Variants in OR3A2 observed in about 807,000 individuals in gnomAD.
The protein encoded by OR3A2 is olfactory receptor family 3 subfamily A member 2, also known as olfactory receptor 3A2.
For synonymous variants in OR3A2, 126 were observed against 159.3 expected, an observed-to-expected ratio of 0.79 and a Z score of 1.57; for missense variants, 318 against 392.8, an observed-to-expected ratio of 0.81 and a Z score of 1.61.
intron 2 of OR3A2, among the ~76,000 whole-genome samples, chr17:3,363,271 T>C (rs1035116772): frequency 6.6e-6 from 1 of 151,876 alleles, no homozygotes; most frequent in African/African-American, 2.4e-5. Flanking sequence ...GTATACACTT[T>C]TAGAAACAGC....
intron 3 of OR3A2, among the ~76,000 whole-genome samples, chr17:3,296,243 CCAAA>C (rs1316314481): frequency 6.6e-6 from 1 of 151,802 alleles, no homozygotes; most frequent in African/African-American, 2.4e-5. Context: ...AACGGTTGGA[CCAAA>C]CAGAGAATGA....
At chr17:3,279,846 T>G (rs964839080) in intron 1 of OR3A2, among the ~76,000 whole-genome samples, 1 of 151,964 alleles carries the variant, frequency 6.6e-6, no homozygotes, top group Non-Finnish European at 1.5e-5. Context: ...CTAGACATAA[T>G]AAAGGTCAAG....
intron 3 of OR3A2, among the ~76,000 whole-genome samples, chr17:3,290,375 A>G (rs1043467553): frequency 1.3e-5 from 2 of 151,832 alleles, no homozygotes; most frequent in Non-Finnish European, 2.9e-5. Context: ...AACCCCCTCC[A>G]CTTGCAATTC....
chr17:3,285,725 C>G (rs1202487611), upstream of OR3A2, among the ~76,000 whole-genome samples: 13 of 152,090 alleles, frequency 8.5e-5, no homozygotes, highest in Non-Finnish European at 1.5e-4. Flanking sequence ...GAGGTGGAGG[C>G]TGCAGTGAGC....
At chr17:3,292,463 G>A (rs2048884606) in intron 3 of OR3A2, 1 of 1,613,436 alleles carries the variant, frequency 6.2e-7, no homozygotes, top group Non-Finnish European at 8.5e-7. Flanking sequence ...CCCTGACCGT[G>A]ACCAGGTAGG....
intron 2 of OR3A2, among the ~76,000 whole-genome samples, chr17:3,373,796 T>C (rs1321567597): frequency 6.6e-6 from 1 of 152,232 alleles, no homozygotes; most frequent in Admixed American, 6.5e-5. Flanking sequence ...TTACATTCAA[T>C]GTTAATACTG....
At chr17:3,321,448 G>A (rs1160509982) in intron 3 of OR3A2, among the ~76,000 whole-genome samples, 1 of 151,688 alleles carries the variant, frequency 6.6e-6, no homozygotes, top group South Asian at 2.1e-4. Context: ...GGGCATCCCT[G>A]TCTTGTGCCA....
In OR3A2 at chr17:3,385,328, G is replaced by A. The variant is rs554074815; in HGVS notation, c.-275+797C>T. 2.4e-4 allele frequency among the ~76,000 whole-genome samples: 37 copies of A among 152,312 alleles called. No homozygotes were observed. The South Asian group carries it at 7.5e-3, about 31-fold the overall frequency. ...ACTGGTACTCAAATGGCCTGGGTCC[G>A]AATTCTGCTCCTAATTGTTTAAACA... On this transcript the variant is annotated intron_variant, in intron 1 of 4. Transcript: ENST00000573491.
chr17:3,295,891 T>C (rs1485069153), intron 3 of OR3A2, among the ~76,000 whole-genome samples: 1 of 152,120 alleles, frequency 6.6e-6, no homozygotes, highest in Non-Finnish European at 1.5e-5. Context: ...CCTAAGTATA[T>C]AGCATTGATA....
At chr17:3,360,735 T>C (rs879186061) in intron 2 of OR3A2, among the ~76,000 whole-genome samples, 1 of 151,574 alleles carries the variant, frequency 6.6e-6, no homozygotes, top group East Asian at 1.9e-4. Flanking sequence ...TGTAGATGTG[T>C]GGTATTGTTT....
At chr17:3,372,282 C>T (rs1171452089) in intron 2 of OR3A2, among the ~76,000 whole-genome samples, 3 of 148,414 alleles carry the variant, frequency 2.0e-5, no homozygotes, top group African/African-American at 7.5e-5. Context: ...CGGGAAGAGG[C>T]ACTCCTCACT....
intron 3 of OR3A2, among the ~76,000 whole-genome samples, chr17:3,298,642 G>A (rs1480750855): frequency 1.3e-5 from 2 of 152,170 alleles, no homozygotes; most frequent in African/African-American, 4.8e-5. Flanking sequence ...CATGAAATAA[G>A]AGATTTGACC....
chr17:3,324,641 CTGGGTATCAGCAG>C (rs2049155278), intron 3 of OR3A2, among the ~76,000 whole-genome samples: 2 of 152,084 alleles, frequency 1.3e-5, no homozygotes, highest in South Asian at 4.1e-4. Flanking sequence ...CCCTGTTTGC[CTGGGTATCAGCAG>C]TGGTGGCTGC....
exon 2 of OR3A2, chr17:3,278,855 C>A: frequency 6.6e-7 from 1 of 1,520,208 alleles, no homozygotes; most frequent in Non-Finnish European, 8.8e-7. Context: ...CTTCTGTTTG[C>A]ACTAGGCCCA....
chr17:3,349,855 A>C (rs1391862239), intron 2 of OR3A2, among the ~76,000 whole-genome samples: 2 of 152,292 alleles, frequency 1.3e-5, no homozygotes, highest in East Asian at 3.9e-4. Context: ...GTGCAATCAA[A>C]CTAGAACTCA....
intron 1 of OR3A2, among the ~76,000 whole-genome samples, chr17:3,385,747 T>A (rs1018110281): frequency 6.6e-6 from 1 of 152,114 alleles, no homozygotes; most frequent in Admixed American, 6.6e-5. Context: ...TTCATAAAAT[T>A]AAGATTATTG....
intron 2 of OR3A2, among the ~76,000 whole-genome samples, chr17:3,362,170 T>C (rs1311539220): frequency 1.3e-5 from 2 of 151,782 alleles, no homozygotes; most frequent in Non-Finnish European, 2.9e-5. Context: ...GAGGAATTTA[T>C]CCATTTCTTC....
chr17:3,312,159 CAA>C (rs1451075204), intron 3 of OR3A2, among the ~76,000 whole-genome samples: 2 of 151,946 alleles, frequency 1.3e-5, no homozygotes, highest in Non-Finnish European at 2.9e-5. Context: ...GAATTGAAGA[CAA>C]GAGAAAAATA....
intron 2 of OR3A2, among the ~76,000 whole-genome samples, chr17:3,348,856 A>T (rs2049393732): frequency 1.3e-5 from 2 of 152,190 alleles, no homozygotes; most frequent in African/African-American, 4.8e-5. Flanking sequence ...TACCAGCCAG[A>T]AGAGAGTGGG....
Sources: allele counts gnomAD v4.1 joint callset (sites outside exome capture counted in the v4.1 genomes callset), GRCh38; gene constraint gnomAD v4.1.1; transcripts MANE v1.5; gene names NCBI Gene and HGNC (gene_info 2026-07-23, HGNC 2026-07-21).